The following RALGAPA2 variants were observed in gnomAD, a reference collection of about 807,000 sequenced individuals.
RALGAPA2 encodes the protein Ral GTPase activating protein catalytic subunit alpha 2.
RALGAPA2 carries 139 observed loss-of-function variants against 230.4 expected under a neutral mutation model. The observed-to-expected ratio is 0.60, with a 90% CI of 0.53 to 0.69. The LOEUF (loss-of-function observed/expected upper bound fraction) is 0.69, where lower values mean the gene tolerates loss of function less well. Ranked by LOEUF, RALGAPA2 falls within the 30% of genes least tolerant of loss-of-function variation. The pLI, the probability that RALGAPA2 is intolerant of heterozygous loss-of-function variation, is 0.00. For missense variants in RALGAPA2, 2,163 were observed against 2,276.0 expected (o/e 0.95, Z 1.01); for synonymous variants, 847 against 837.8 (o/e 1.01, Z -0.19).
chr20:20,561,082 G>A (rs927303309), intron 23 of RALGAPA2, among the ~76,000 whole-genome samples: 3 of 152,172 alleles, frequency 2.0e-5, no homozygotes, highest in Non-Finnish European at 4.4e-5. Context: ...CCCTTTTTCT[G>A]AGGCTGTCCT....
intron 3 of RALGAPA2, among the ~76,000 whole-genome samples, chr20:20,670,372 C>T (rs2068093585): frequency 6.6e-6 from 1 of 152,212 alleles, no homozygotes; most frequent in Admixed American, 6.5e-5. Flanking sequence ...CCTACTCTCC[C>T]ATTTACTAAG....
chr20:20,500,625 C>T (rs1458513076), intron 35 of RALGAPA2, among the ~76,000 whole-genome samples: 1 of 152,156 alleles, frequency 6.6e-6, no homozygotes, highest in Non-Finnish European at 1.5e-5. Context: ...TAAAGTCATC[C>T]ATGAGGGTGG....
chr20:20,689,991 C>G (rs1278986707), intron 1 of RALGAPA2, among the ~76,000 whole-genome samples: 1 of 152,052 alleles, frequency 6.6e-6, no homozygotes, highest in Non-Finnish European at 1.5e-5. Context: ...CTGTCCACTA[C>G]CCCCCTCATC....
chr20:20,463,540 A>G (rs1343778969), intron 37 of RALGAPA2, among the ~76,000 whole-genome samples: 3 of 152,206 alleles, frequency 2.0e-5, no homozygotes, highest in African/African-American at 4.8e-5. Context: ...TATGATTTTT[A>G]TTAGGATTCA....
intron 3 of RALGAPA2, among the ~76,000 whole-genome samples, chr20:20,672,050 G>A (rs1472083521): frequency 6.6e-6 from 1 of 152,128 alleles, no homozygotes; most frequent in Non-Finnish European, 1.5e-5. Context: ...CAACACCAGC[G>A]CTAGGATTTA....
chr20:20,519,902 C>T (rs563470312), intron 31 of RALGAPA2, among the ~76,000 whole-genome samples: 8 of 152,046 alleles, frequency 5.3e-5, no homozygotes, highest in Non-Finnish European at 1.0e-4. Context: ...GATAGAGTCT[C>T]ACTCTGTCGC....
chr20:20,665,015 C>T (rs917221152), intron 3 of RALGAPA2, among the ~76,000 whole-genome samples: 5 of 152,184 alleles, frequency 3.3e-5, no homozygotes, highest in African/African-American at 1.2e-4. Context: ...CACCACACTA[C>T]ATATCCAAAC....
intron 37 of RALGAPA2, among the ~76,000 whole-genome samples, chr20:20,451,112 C>T (rs1397912911): frequency 1.3e-5 from 2 of 152,174 alleles, no homozygotes; most frequent in East Asian, 1.9e-4. Context: ...ACCAAATACA[C>T]ACCAGCTTAT....
At chr20:20,622,873 T>C (rs1045557977) in intron 10 of RALGAPA2, among the ~76,000 whole-genome samples, 1 of 152,192 alleles carries the variant, frequency 6.6e-6, no homozygotes, top group African/African-American at 2.4e-5. Context: ...GGATAATATC[T>C]ACATATTACA....
intron 23 of RALGAPA2, among the ~76,000 whole-genome samples, chr20:20,570,584 A>C (rs780509554): frequency 7.2e-5 from 11 of 152,184 alleles, no homozygotes; most frequent in Non-Finnish European, 1.5e-4. Context: ...AAATTTATTG[A>C]ATCTTTTCTA....
In RALGAPA2 at chr20:20,392,212, A is replaced by T. The variant is rs1205348473; in HGVS notation, c.*1077T>A. 1 of 152,288 alleles carries T rather than the reference A, an allele frequency of 6.6e-6. No homozygotes were observed. The highest frequency in any genetic ancestry group is 1.5e-5 in the Non-Finnish European group (1 of 68,054). The allele number at this position is 152,288 out of a possible 1,614,324, so 9.4% of individuals were successfully genotyped here. ...AAAAAAAAACAACAACAACAAAAAA[A>T]CAGGTCTAATAAGCCTTCCTTGGAG... On this transcript the variant is annotated 3_prime_UTR_variant, in exon 40 of 40. Transcript: ENST00000202677.
chr20:20,613,388 G>A (rs554284608), intron 13 of RALGAPA2, among the ~76,000 whole-genome samples: 2 of 152,134 alleles, frequency 1.3e-5, no homozygotes, highest in Non-Finnish European at 2.9e-5. Flanking sequence ...TTACATACCA[G>A]TTATTCCCTA....
intron 23 of RALGAPA2, among the ~76,000 whole-genome samples, chr20:20,552,494 AT>A (rs2063955694): frequency 6.6e-6 from 1 of 152,190 alleles, no homozygotes; most frequent in Admixed American, 6.5e-5. Context: ...AGGAAATTCT[AT>A]AGGAAGCTCT....
intron 3 of RALGAPA2, among the ~76,000 whole-genome samples, chr20:20,673,773 GA>G (rs2068222739): frequency 6.6e-6 from 1 of 152,090 alleles, no homozygotes; most frequent in Non-Finnish European, 1.5e-5. Flanking sequence ...AGAGAAAGAA[GA>G]AATGCTTGAC....
In RALGAPA2 at chr20:20,609,890, A is replaced by G. The variant is rs958642527; in HGVS notation, c.1800+1425T>C. On this transcript the variant is annotated intron_variant, in intron 14 of 39. Coordinates refer to ENST00000202677, the MANE Select transcript of RALGAPA2 (RefSeq NM_020343.4). ...AGTTTAGGGCCACTTCACACATCCAATGTACCAGGCAAGGCAATCAGAGTA... is the reference window on the plus strand; with the variant it reads ...AGTTTAGGGCCACTTCACACATCCAGTGTACCAGGCAAGGCAATCAGAGTA... 1.3e-4 allele frequency among the ~76,000 whole-genome samples: 20 copies of G among 152,244 alleles called. 1 individual carries two copies.
At chr20:20,422,185 A>G (rs1190737965) in intron 37 of RALGAPA2, among the ~76,000 whole-genome samples, 1 of 152,080 alleles carries the variant, frequency 6.6e-6, no homozygotes, top group Non-Finnish European at 1.5e-5. Flanking sequence ...TGGGGTGATA[A>G]AAATGTTGTG....
intron 38 of RALGAPA2, among the ~76,000 whole-genome samples, chr20:20,406,385 T>C (rs1370299260): frequency 6.6e-6 from 1 of 152,166 alleles, no homozygotes. Context: ...GAATACATCT[T>C]AAATTGGAAA....
intron 3 of RALGAPA2, among the ~76,000 whole-genome samples, chr20:20,675,839 T>C (rs2068305105): frequency 6.6e-6 from 1 of 152,332 alleles, no homozygotes; most frequent in Middle Eastern, 3.4e-3. Flanking sequence ...ATAGGAAATT[T>C]ACATAAGACT....
chr20:20,580,782 G>A (rs757013573), intron 20 of RALGAPA2, among the ~76,000 whole-genome samples: 9 of 152,132 alleles, frequency 5.9e-5, no homozygotes, highest in Admixed American at 1.3e-4. Context: ...GATTTAATGA[G>A]AAAGCAAATA....
Sources: gnomAD v4.1 joint callset for allele counts (sites outside exome capture counted in the v4.1 genomes callset) on GRCh38, gnomAD v4.1.1 for gene constraint, MANE v1.5 for transcripts, NCBI Gene and HGNC (gene_info 2026-07-23, HGNC 2026-07-21) for gene names.